UBE2E2: variants seen among roughly 807,000 people sequenced by gnomAD.
UBE2E2 encodes the protein ubiquitin conjugating enzyme E2 E2, also known as ubiquitin-conjugating enzyme E2 E2.
Under a neutral mutation model 24.7 loss-of-function variants are expected in UBE2E2, and 6 were observed. That is an observed-to-expected ratio of 0.24 (90% CI 0.13 to 0.48). The LOEUF is 0.48. Among genes scored for constraint, UBE2E2 ranks in the 20% least tolerant of loss-of-function variants. UBE2E2 has a pLI of 0.99. For missense variants in UBE2E2, 169 were observed against 245.0 expected, an observed-to-expected ratio of 0.69 and a Z score of 2.07; for synonymous variants, 104 against 83.6, an observed-to-expected ratio of 1.24 and a Z score of -1.33.
At chr3:23,319,585 G>C (rs1694686503) in intron 3 of UBE2E2, among the ~76,000 whole-genome samples, 1 of 151,938 alleles carries the variant, frequency 6.6e-6, no homozygotes, top group Admixed American at 6.6e-5. Context: ...AATCTCAGCA[G>C]GCAGATCATT....
chr3:23,581,803 T>C (rs553628489), intron 5 of UBE2E2, among the ~76,000 whole-genome samples: 1 of 152,356 alleles, frequency 6.6e-6, no homozygotes, highest in Admixed American at 6.5e-5. Flanking sequence ...AGAATGTTCT[T>C]TGGTCTTGCA....
At chr3:23,547,125 G>A (rs1291421367) in intron 5 of UBE2E2, among the ~76,000 whole-genome samples, 13 of 152,192 alleles carry the variant, frequency 8.5e-5, no homozygotes, top group Non-Finnish European at 1.5e-5. Flanking sequence ...AGCACATTTT[G>A]TAACTACCCT....
chr3:23,292,367 A>G (rs1276476936), intron 3 of UBE2E2, among the ~76,000 whole-genome samples: 1 of 152,104 alleles, frequency 6.6e-6, no homozygotes, highest in Non-Finnish European at 1.5e-5. Context: ...TTCGTTATGT[A>G]CCTTTCTGCA....
intron 5 of UBE2E2, among the ~76,000 whole-genome samples, chr3:23,582,132 A>G (rs1696493737): frequency 6.6e-6 from 1 of 152,124 alleles, no homozygotes; most frequent in Non-Finnish European, 1.5e-5. Context: ...TTTAGCTCCC[A>G]CTTATAAGTG....
At chr3:23,523,173 A>G (rs1488655360) in intron 4 of UBE2E2, among the ~76,000 whole-genome samples, 1 of 152,254 alleles carries the variant, frequency 6.6e-6, no homozygotes, top group Non-Finnish European at 1.5e-5. Flanking sequence ...CTGAATTTTT[A>G]TAAATTGCAA....
At chr3:23,211,779 A>C (rs1696331433) in intron 2 of UBE2E2, among the ~76,000 whole-genome samples, 1 of 152,186 alleles carries the variant, frequency 6.6e-6, no homozygotes, top group Non-Finnish European at 1.5e-5. Flanking sequence ...TACGCTGTTC[A>C]GAAGGTTCTT....
At chr3:23,508,798 G>A (rs879844155) in intron 4 of UBE2E2, among the ~76,000 whole-genome samples, 1 of 152,200 alleles carries the variant, frequency 6.6e-6, no homozygotes, top group South Asian at 2.1e-4. Flanking sequence ...GGGTAGATAG[G>A]CCTAAATTCC....
At chr3:23,353,748 A>C (rs1695839956) in intron 3 of UBE2E2, among the ~76,000 whole-genome samples, 3 of 152,140 alleles carry the variant, frequency 2.0e-5, no homozygotes, top group Admixed American at 2.0e-4. Context: ...GATACAAAGA[A>C]ATGGAAGAAC....
intron 1 of UBE2E2, 144 bp from the exon 2 acceptor site, chr3:23,208,548 C>A: frequency 1.8e-6 from 1 of 571,018 alleles, no homozygotes; most frequent in Non-Finnish European, 2.7e-6. Context: ...TAGCAACTCC[C>A]AAAGCTGCAT....
At chr3:23,350,047 G>C (rs1232176386) in intron 3 of UBE2E2, among the ~76,000 whole-genome samples, 1 of 152,156 alleles carries the variant, frequency 6.6e-6, no homozygotes, top group Non-Finnish European at 1.5e-5. Context: ...ACTTCCAAAG[G>C]AACGATCAGA....
upstream of UBE2E2, chr3:23,203,171 G>C (rs1361772568): frequency 1.0e-6 from 1 of 985,560 alleles, no homozygotes; most frequent in Admixed American, 6.2e-5. Context: ...CACTTTCCAG[G>C]ACTCAGGGGC....
At chr3:23,294,091 G>A (rs1044044747) in intron 3 of UBE2E2, among the ~76,000 whole-genome samples, 3 of 152,150 alleles carry the variant, frequency 2.0e-5, no homozygotes, top group African/African-American at 7.2e-5. Flanking sequence ...AATTTACTAG[G>A]ACACTGAATA....
chr3:23,349,987 A>G (rs1219254344), intron 3 of UBE2E2, among the ~76,000 whole-genome samples: 1 of 152,224 alleles, frequency 6.6e-6, no homozygotes, highest in Non-Finnish European at 1.5e-5. Context: ...GGCAACCCCC[A>G]GTAGGGGCAC....
At chr3:23,586,423 T>C (rs943332596) in intron 5 of UBE2E2, among the ~76,000 whole-genome samples, 1 of 152,100 alleles carries the variant, frequency 6.6e-6, no homozygotes, top group Non-Finnish European at 1.5e-5. Flanking sequence ...GCCTCTCAAG[T>C]AGGCTGGACT....
rs1017501820 is a variant in UBE2E2 at position 23,203,459 on chromosome 3, C to CG, written c.-14_-13insG. On this transcript the variant is annotated 5_prime_UTR_variant, in exon 1 of 6. Transcript: ENST00000396703. ...CCTGCGACCTGCACGGACACCCCCCCCTCAGGTATTCGCTCGGGCCGCGCC... is the reference window on the plus strand; with the variant it reads ...CCTGCGACCTGCACGGACACCCCCCCGCTCAGGTATTCGCTCGGGCCGCGCC... The CG allele has an allele frequency of 2.3e-5, 21 of 926,128 alleles. No homozygotes were observed. Among genetic ancestry groups the CG allele is most frequent in the Admixed American group, 1.6e-4 (2 of 12,670 alleles). The allele number at this position is 926,128 out of a possible 1,614,324, so 57.4% of individuals were successfully genotyped here. A position where few individuals can be genotyped will look rare whatever the true frequency, so the allele number is the denominator to read the frequency against.
In UBE2E2 at chr3:23,440,166, C is replaced by T. The variant is rs545378987; in HGVS notation, c.228-59442C>T. On this transcript the variant is annotated intron_variant, in intron 3 of 5. Transcript: ENST00000396703. ...GCAGGTGCCTGTAATCCCAGCTACT[C>T]GGAGGGCTGACGCAGGAGAATCGCT... 3.7e-3 allele frequency among the ~76,000 whole-genome samples: 555 copies of T among 152,050 alleles called. 3 individuals are homozygous for T. The highest frequency in any genetic ancestry group is 0.013 in the African/African-American group (531 of 41,502).
At chr3:23,588,898 G>A (rs188744934) in intron 5 of UBE2E2, among the ~76,000 whole-genome samples, 2 of 152,232 alleles carry the variant, frequency 1.3e-5, no homozygotes, top group East Asian at 3.9e-4. Context: ...TATGTAGGTT[G>A]GATGTTACCA....
chr3:23,443,712 A>C (rs928013232), intron 3 of UBE2E2, among the ~76,000 whole-genome samples: 2 of 152,220 alleles, frequency 1.3e-5, no homozygotes, highest in African/African-American at 2.4e-5. Flanking sequence ...AGCTGGACTA[A>C]GATACAAGTA....
chr3:23,469,879 C>A (rs1698997704), intron 3 of UBE2E2, among the ~76,000 whole-genome samples: 1 of 152,130 alleles, frequency 6.6e-6, no homozygotes, highest in African/African-American at 2.4e-5. Flanking sequence ...TCTTCACAGC[C>A]TTTCTATGCA....
Sources: allele counts gnomAD v4.1 joint callset (sites outside exome capture counted in the v4.1 genomes callset), GRCh38; gene constraint gnomAD v4.1.1; transcripts MANE v1.5; gene names NCBI Gene and HGNC (gene_info 2026-07-23, HGNC 2026-07-21).